Variants in ZDHHC17 observed in about 807,000 individuals in gnomAD.
The protein encoded by ZDHHC17 is zDHHC palmitoyltransferase 17, also known as palmitoyltransferase ZDHHC17.
Under a neutral mutation model 90.3 loss-of-function variants are expected in ZDHHC17, and 40 were observed. That is an observed-to-expected ratio of 0.44 (90% CI 0.34 to 0.58). The LOEUF (loss-of-function observed/expected upper bound fraction) is 0.58. Among genes scored for constraint, ZDHHC17 ranks in the 20% least tolerant of loss-of-function variants. The pLI, the probability that ZDHHC17 is intolerant of heterozygous loss-of-function variation, is 0.01. For missense variants in ZDHHC17, 614 were observed against 780.8 expected (o/e 0.79, Z 2.55); for synonymous variants, 235 against 252.4 (o/e 0.93, Z 0.65).
intron 5 of ZDHHC17, 74 bp from the exon 6 acceptor site, chr12:76,815,072 T>C (rs767736601): frequency 3.0e-6 from 3 of 995,234 alleles, no homozygotes; most frequent in Non-Finnish European, 4.5e-6. Flanking sequence ...ATATATAGAT[T>C]AGATTTTTCC....
chr12:76,843,018 T>A (rs1449580845), intron 12 of ZDHHC17, 37 bp downstream of exon 12: 72 of 1,555,422 alleles, frequency 4.6e-5, no homozygotes, highest in Non-Finnish European at 6.2e-5. Flanking sequence ...TCCCTTCTCT[T>A]CCTCCTGACA....
At chr12:76,821,219 G>T (rs1953159729) in intron 7 of ZDHHC17, 1 of 1,030,136 alleles carries the variant, frequency 9.7e-7, no homozygotes, top group Admixed American at 3.6e-5. Flanking sequence ...TTAGGTGATG[G>T]AATTTTGGAA....
At chr12:76,768,052 C>T (rs951025045) in intron 1 of ZDHHC17, among the ~76,000 whole-genome samples, 7 of 152,128 alleles carry the variant, frequency 4.6e-5, no homozygotes, top group Non-Finnish European at 1.0e-4. Context: ...TGAATATTAA[C>T]TAGGCTAATG....
chr12:76,815,573 T>C (rs1034569007), intron 6 of ZDHHC17, among the ~76,000 whole-genome samples: 1 of 151,912 alleles, frequency 6.6e-6, no homozygotes, highest in Non-Finnish European at 1.5e-5. Context: ...TATTCTTGAA[T>C]TGTATAAGTA....
intron 8 of ZDHHC17, among the ~76,000 whole-genome samples, chr12:76,823,522 T>A (rs943484453): frequency 6.6e-6 from 1 of 152,240 alleles, no homozygotes; most frequent in African/African-American, 2.4e-5. Flanking sequence ...TTTATGTACC[T>A]AAATAATTGT....
At chr12:76,789,073 A>G (rs1952729661) in intron 1 of ZDHHC17, among the ~76,000 whole-genome samples, 1 of 152,168 alleles carries the variant, frequency 6.6e-6, no homozygotes, top group Non-Finnish European at 1.5e-5. Context: ...GAAATAGTTA[A>G]TCATGTATTG....
chr12:76,779,380 C>T (rs1952598029), intron 1 of ZDHHC17, among the ~76,000 whole-genome samples: 1 of 152,100 alleles, frequency 6.6e-6, no homozygotes, highest in African/African-American at 2.4e-5. Context: ...CTGGGGAGGC[C>T]TCACAATCAT....
At chr12:76,804,555 G>A (rs982545962) in intron 2 of ZDHHC17, among the ~76,000 whole-genome samples, 1 of 152,140 alleles carries the variant, frequency 6.6e-6, no homozygotes, top group Non-Finnish European at 1.5e-5. Context: ...GCACCTAGTG[G>A]GTCACAATAA....
intron 7 of ZDHHC17, among the ~76,000 whole-genome samples, chr12:76,820,574 AC>A (rs1238357794): frequency 2.6e-5 from 4 of 152,206 alleles, no homozygotes; most frequent in African/African-American, 9.7e-5. Flanking sequence ...ATATAAAATT[AC>A]TGAGCTCTGT....
chr12:76,780,113 T>C (rs1179511140), intron 1 of ZDHHC17, among the ~76,000 whole-genome samples: 1 of 152,170 alleles, frequency 6.6e-6, no homozygotes, highest in East Asian at 1.9e-4. Flanking sequence ...TCTTTCAAAA[T>C]TGTTTTAGCG....
chr12:76,764,282 G>C lies in ZDHHC17; in HGVS notation c.46G>C (p.Asp16His), dbSNP rs762609140. Residue 16 changes from aspartate to histidine, a missense_variant, in exon 1 of 17, where the codon GAT becomes CAT. By Grantham distance (81) the Asp-to-His change is moderately conservative. Coordinates refer to ENST00000426126, the MANE Select transcript of ZDHHC17 (RefSeq NM_015336.4). ...TAACACCAAGATGGCGGACGGCCCG[G>C]ATGAGTACGATACCGAAGCGGGCTG... The part of the protein sequence containing the change: ...GFNTKMADGP[D>H]EYDTEAGCVP... The C allele has an allele frequency of 6.2e-7, 1 of 1,607,530 alleles. No homozygotes were observed. Among genetic ancestry groups the C allele is most frequent in the Non-Finnish European group, 8.5e-7 (1 of 1,177,198 alleles).
intron 1 of ZDHHC17, among the ~76,000 whole-genome samples, chr12:76,787,976 T>C (rs1015188906): frequency 1.6e-4 from 25 of 152,302 alleles, no homozygotes; most frequent in African/African-American, 6.0e-4. Flanking sequence ...CTCAGGAGGC[T>C]GAGACAGGAG....
chr12:76,779,238 G>A (rs1952596953), intron 1 of ZDHHC17, among the ~76,000 whole-genome samples: 1 of 152,188 alleles, frequency 6.6e-6, no homozygotes, highest in African/African-American at 2.4e-5. Flanking sequence ...GTGATTTGCA[G>A]TTATTTTCTC....
intron 2 of ZDHHC17, among the ~76,000 whole-genome samples, chr12:76,799,118 A>G (rs1298594527): frequency 6.6e-6 from 1 of 152,142 alleles, no homozygotes; most frequent in African/African-American, 2.4e-5. Flanking sequence ...GCCTGGGCAA[A>G]GGAGTGAGAC....
intron 10 of ZDHHC17, among the ~76,000 whole-genome samples, chr12:76,829,944 G>A (rs111517648): frequency 0.015 from 2,350 of 152,138 alleles, 34 homozygotes; most frequent in Non-Finnish European, 0.021. Context: ...CCGTCTGCCT[G>A]AGCCTCCCAA....
At chr12:76,833,344 A>G (rs1042309618) in intron 10 of ZDHHC17, among the ~76,000 whole-genome samples, 1 of 152,228 alleles carries the variant, frequency 6.6e-6, no homozygotes, top group Non-Finnish European at 1.5e-5. Flanking sequence ...AAAGTCACAT[A>G]GGTGGGAAAT....
chr12:76,791,690 C>T (rs573310378), intron 1 of ZDHHC17, among the ~76,000 whole-genome samples: 3 of 152,198 alleles, frequency 2.0e-5, no homozygotes, highest in Admixed American at 6.5e-5. Context: ...TTAGCATAGA[C>T]GCAACAAGTC....
At chr12:76,800,997 C>T (rs1417832767) in intron 2 of ZDHHC17, among the ~76,000 whole-genome samples, 1 of 149,846 alleles carries the variant, frequency 6.7e-6, no homozygotes, top group Non-Finnish European at 1.5e-5. Context: ...AAGCAATTCT[C>T]CTGCCTCAGC....
Position 76,809,085 on chromosome 12 carries a change from G to T in ZDHHC17, c.363G>T (p.Gly121=). 6.4e-7 allele frequency: 1 copy of T among 1,564,014 alleles called. No homozygotes were observed. Among genetic ancestry groups the T allele is most frequent in the South Asian group, 1.2e-5 (1 of 81,432 alleles). ...SKGAIVDQLG[G]DLNSTPLHWA... ...GTGCTATTGTGGATCAACTTGGAGG[G>T]GACCTGAATTCAACTCCATTGCACT... The change falls in exon 4 of 17, where the codon GGG becomes GGT. Residue 121 remains glycine, a synonymous_variant. Coordinates refer to ENST00000426126, the MANE Select transcript of ZDHHC17 (RefSeq NM_015336.4).
Sources: allele counts gnomAD v4.1 joint callset (sites outside exome capture counted in the v4.1 genomes callset), GRCh38; gene constraint gnomAD v4.1.1; transcripts MANE v1.5; gene names NCBI Gene and HGNC (gene_info 2026-07-23, HGNC 2026-07-21).